METTL16: variants seen among roughly 807,000 people sequenced by gnomAD.
METTL16 encodes RNA N(6)-adenosine-methyltransferase METTL16.
In METTL16, 19 loss-of-function variants were observed where a neutral mutation model predicts 57.9. That is an observed-to-expected ratio of 0.33 (90% CI 0.23 to 0.48). The LOEUF is 0.48. Among genes scored for constraint, METTL16 ranks in the 20% least tolerant of loss-of-function variants. The pLI is 0.99. For missense variants in METTL16, 434 were observed against 691.5 expected, an observed-to-expected ratio of 0.63 and a Z score of 4.18; for synonymous variants, 246 against 255.6, an observed-to-expected ratio of 0.96 and a Z score of 0.36.
At chr17:2,457,445 G>A (rs1360422496) in intron 6 of METTL16, among the ~76,000 whole-genome samples, 2 of 150,744 alleles carry the variant, frequency 1.3e-5, no homozygotes, top group Admixed American at 6.6e-5. Flanking sequence ...AGTGGCTCAC[G>A]CCTGTAATCC....
intron 4 of METTL16, among the ~76,000 whole-genome samples, chr17:2,468,649 G>C (rs570642570): frequency 6.6e-6 from 1 of 152,230 alleles, no homozygotes; most frequent in Non-Finnish European, 1.5e-5. Flanking sequence ...GGGAGGCCAA[G>C]ACGGGAGAAC....
At chr17:2,505,741 T>G (rs370895769) in intron 1 of METTL16, among the ~76,000 whole-genome samples, 1 of 152,004 alleles carries the variant, frequency 6.6e-6, no homozygotes, top group Non-Finnish European at 1.5e-5. Context: ...GTTCTCACCA[T>G]CCCTCCTTCC....
intron 8 of METTL16, among the ~76,000 whole-genome samples, chr17:2,423,531 CG>C (rs2151684018): frequency 6.6e-6 from 1 of 152,214 alleles, no homozygotes; most frequent in East Asian, 1.9e-4. Flanking sequence ...GGGGAAGAAG[CG>C]TATTAAGCCG....
intron 2 of METTL16, among the ~76,000 whole-genome samples, chr17:2,478,800 T>G (rs910271521): frequency 2.6e-5 from 4 of 152,248 alleles, no homozygotes; most frequent in African/African-American, 4.8e-5. Context: ...AACTTGTCAG[T>G]GTTTCACTTC....
intron 6 of METTL16, among the ~76,000 whole-genome samples, chr17:2,460,908 A>C (rs1020869661): frequency 1.3e-5 from 2 of 150,814 alleles, no homozygotes; most frequent in Admixed American, 1.3e-4. Flanking sequence ...AAAAAAAGTC[A>C]TCATGAAATG....
chr17:2,492,103 C>A (rs1026052902), intron 2 of METTL16, among the ~76,000 whole-genome samples: 3 of 150,970 alleles, frequency 2.0e-5, no homozygotes, highest in East Asian at 2.0e-4. Flanking sequence ...CCCAGCTACT[C>A]GGGAGGCTGA....
chr17:2,487,681 G>A (rs1268833809), intron 2 of METTL16, among the ~76,000 whole-genome samples: 1 of 152,168 alleles, frequency 6.6e-6, no homozygotes, highest in Non-Finnish European at 1.5e-5. Context: ...GGTAGTGGTA[G>A]AGTTAGAAAC....
intron 6 of METTL16, among the ~76,000 whole-genome samples, chr17:2,444,437 G>A (rs971203933): frequency 6.6e-6 from 1 of 151,990 alleles, no homozygotes; most frequent in Non-Finnish European, 1.5e-5. Flanking sequence ...GCTACAGAGC[G>A]AGACTCTGTC....
Position 2,418,087 on chromosome 17 carries a change from C to G in METTL16, c.*1883G>C, listed in dbSNP as rs907500801. On this transcript the variant is annotated 3_prime_UTR_variant, in exon 10 of 10. Coordinates refer to ENST00000263092, the MANE Select transcript of METTL16 (RefSeq NM_024086.4). ...TGACCCTGGGTATTGTTTTTTGCAGCCTGACACATGAATGCTTGGACTAGA... is the reference window on the plus strand; with the variant it reads ...TGACCCTGGGTATTGTTTTTTGCAGGCTGACACATGAATGCTTGGACTAGA... 4.6e-5 allele frequency: 7 copies of G among 151,914 alleles called. No homozygotes were observed. Among genetic ancestry groups the G allele is most frequent in the African/African-American group, 1.7e-4 (7 of 41,344 alleles). The allele number at this position is 151,914 out of a possible 1,614,324, so 9.4% of individuals were successfully genotyped here. A position where few individuals can be genotyped will look rare whatever the true frequency, so the allele number is the denominator to read the frequency against.
chr17:2,497,312 T>C (rs919365131), intron 2 of METTL16, among the ~76,000 whole-genome samples: 2 of 130,384 alleles, frequency 1.5e-5, no homozygotes, highest in East Asian at 2.2e-4. Flanking sequence ...GGCCTTTTTT[T>C]TTTTTTTTTT....
intron 6 of METTL16, among the ~76,000 whole-genome samples, chr17:2,444,080 C>T (rs936678978): frequency 2.6e-5 from 4 of 152,266 alleles, no homozygotes; most frequent in Admixed American, 2.0e-4. Flanking sequence ...TTGATTGAAT[C>T]ATTTAACAAT....
chr17:2,488,714 A>G (rs1447942519), intron 2 of METTL16, among the ~76,000 whole-genome samples: 1 of 152,262 alleles, frequency 6.6e-6, no homozygotes, highest in Non-Finnish European at 1.5e-5. Flanking sequence ...AAAGGTATCT[A>G]AAGTAGTCTA....
chr17:2,510,556 A>G (rs1314420647), intron 1 of METTL16, among the ~76,000 whole-genome samples: 1 of 152,252 alleles, frequency 6.6e-6, no homozygotes, highest in Non-Finnish European at 1.5e-5. Flanking sequence ...CAGAACAGAT[A>G]CAGAATGAGT....
chr17:2,481,466 C>G (rs1038052757), intron 2 of METTL16, among the ~76,000 whole-genome samples: 1 of 151,958 alleles, frequency 6.6e-6, no homozygotes, highest in African/African-American at 2.4e-5. Context: ...ATACAGCAAG[C>G]AAGACCCAAA....
chr17:2,491,396 A>G (rs1410022156), intron 2 of METTL16, among the ~76,000 whole-genome samples: 1 of 152,202 alleles, frequency 6.6e-6, no homozygotes. Context: ...TCTGTAATCC[A>G]TTGTTAAAAT....
intron 2 of METTL16, among the ~76,000 whole-genome samples, chr17:2,490,840 AATAT>A (rs997211419): frequency 6.6e-6 from 1 of 151,586 alleles, no homozygotes; most frequent in Non-Finnish European, 1.5e-5. Flanking sequence ...TTGTTATTCA[AATAT>A]ATATATATAT....
chr17:2,486,909 T>C (rs1014797558), intron 2 of METTL16, among the ~76,000 whole-genome samples: 6 of 135,616 alleles, frequency 4.4e-5, no homozygotes, highest in Non-Finnish European at 9.2e-5. Flanking sequence ...GGTACTGAGG[T>C]GGGAGGATCA....
chr17:2,493,646 G>A (rs2067418369), intron 2 of METTL16, among the ~76,000 whole-genome samples: 1 of 151,178 alleles, frequency 6.6e-6, no homozygotes, highest in Non-Finnish European at 1.5e-5. Context: ...TTGAGCTCAG[G>A]TGGTGGAGGT....
Position 2,420,138 on chromosome 17 carries a change from G to C in METTL16, c.1521C>G (p.Leu507=). The change falls in exon 10 of 10, where the codon CTC becomes CTG. Residue 507 remains leucine, a synonymous_variant. Coordinates refer to ENST00000263092, the MANE Select transcript of METTL16 (RefSeq NM_024086.4). The surrounding 1 kb of genome is among the most constrained non-coding windows in gnomAD (Gnocchi z 5.4). ...GSPVAERGKR[L]PGVAGQYLFK... ...ACAGGTACTGTCCGGCCACTCCTGG[G>C]AGACGTTTCCCCCTTTCAGCCACTG... 1 of 1,614,222 alleles carries C rather than the reference G, an allele frequency of 6.2e-7. No homozygotes were observed. The highest frequency in any genetic ancestry group is 8.5e-7 in the Non-Finnish European group (1 of 1,180,046).
Sources: gnomAD v4.1 joint callset for allele counts (sites outside exome capture counted in the v4.1 genomes callset) on GRCh38, gnomAD v4.1.1 for gene constraint, Gnocchi (gnomAD v3.1) non-coding constraint, MANE v1.5 for transcripts, NCBI Gene and HGNC (gene_info 2026-07-23, HGNC 2026-07-21) for gene names.